The following MAPRE2 variants were observed in gnomAD, a reference collection of about 807,000 sequenced individuals.
The protein encoded by MAPRE2 is microtubule-associated protein RP/EB family member 2.
In MAPRE2, 13 loss-of-function variants were observed where a neutral mutation model predicts 43.2. The observed-to-expected ratio is 0.30, with a 90% confidence interval of 0.20 to 0.48. The LOEUF (loss-of-function observed/expected upper bound fraction) is 0.48, where lower values mean the gene tolerates loss of function less well. MAPRE2 is among the 20% of genes least tolerant of loss of function. The pLI is 0.99. For synonymous variants in MAPRE2, 135 were observed against 148.8 expected, an observed-to-expected ratio of 0.91 and a Z score of 0.68; for missense variants, 161 against 400.2, an observed-to-expected ratio of 0.40 and a Z score of 5.10.
chr18:34,990,852 C>G (rs943246429), intron 1 of MAPRE2, among the ~76,000 whole-genome samples: 1 of 152,182 alleles, frequency 6.6e-6, no homozygotes, highest in African/African-American at 2.4e-5. Context: ...GAGACTCCAT[C>G]TCTATAAAAA....
At chr18:34,990,425 T>C (rs1471994343) in intron 1 of MAPRE2, among the ~76,000 whole-genome samples, 1 of 152,172 alleles carries the variant, frequency 6.6e-6, no homozygotes, top group African/African-American at 2.4e-5. Flanking sequence ...TAAGGAACAC[T>C]AGGAAAGATA....
chr18:35,107,048 A>T (rs2144192081), intron 4 of MAPRE2, among the ~76,000 whole-genome samples: 1 of 152,326 alleles, frequency 6.6e-6, no homozygotes, highest in African/African-American at 2.4e-5. Flanking sequence ...GACAGCTAAG[A>T]CACATTGCAG....
chr18:34,979,828 C>A (rs1038950549), intron 1 of MAPRE2, among the ~76,000 whole-genome samples: 1 of 152,084 alleles, frequency 6.6e-6, no homozygotes, highest in East Asian at 1.9e-4. Flanking sequence ...AAAAGGATTA[C>A]TCCAGGATAA....
intron 2 of MAPRE2, among the ~76,000 whole-genome samples, chr18:35,019,798 G>A (rs2097040808): frequency 6.6e-6 from 1 of 152,020 alleles, no homozygotes; most frequent in South Asian, 2.1e-4. Flanking sequence ...ATACCTATGT[G>A]TCCCCATATC....
chr18:35,041,752 C>T (rs1449724950), intron 1 of MAPRE2, 91 bp downstream of exon 1: 19 of 1,595,140 alleles, frequency 1.2e-5, no homozygotes, highest in Non-Finnish European at 1.6e-5. Context: ...ACACTGCCTG[C>T]GACCCCTGCT....
At chr18:35,090,252 C>A (rs1348347624) in intron 2 of MAPRE2, among the ~76,000 whole-genome samples, 1 of 152,012 alleles carries the variant, frequency 6.6e-6, no homozygotes, top group Non-Finnish European at 1.5e-5. Flanking sequence ...ATGTTAAAAA[C>A]CACTGAATTT....
In MAPRE2 at chr18:35,132,099, G is replaced by A. The variant is rs757427475; in HGVS notation, c.818G>A (p.Arg273Lys). ...AGGGATTTCTACTTTGGGAAGTTGAGAGAGATCGAGCTACTCTGCCAAGAA... is the reference window on the plus strand; with the variant it reads ...AGGGATTTCTACTTTGGGAAGTTGAAAGAGATCGAGCTACTCTGCCAAGAA... ...KERDFYFGKL[R>K]EIELLCQEHG... The change falls in exon 6 of 7, where the codon AGA becomes AAA. Residue 273 changes from arginine (R) to lysine (K), a missense_variant. Around this residue, in one of 2 missense-constraint regions of MAPRE2, gnomAD observed 96 missense variants for 153.3 expected, o/e 0.63. Transcript: ENST00000300249. The A allele has an allele frequency of 1.2e-6, 2 of 1,614,092 alleles. No homozygotes were observed. Among genetic ancestry groups the A allele is most frequent in the Non-Finnish European group, 1.7e-6 (2 of 1,180,038 alleles).
intron 2 of MAPRE2, among the ~76,000 whole-genome samples, chr18:35,021,279 G>T (rs569786458): frequency 1.3e-5 from 2 of 152,232 alleles, no homozygotes; most frequent in South Asian, 4.1e-4. Flanking sequence ...GTTTTAAGAT[G>T]ACAGTCTAAA....
chr18:35,087,182 A>G (rs1054705201), intron 2 of MAPRE2, among the ~76,000 whole-genome samples: 1 of 152,218 alleles, frequency 6.6e-6, no homozygotes, highest in East Asian at 1.9e-4. Flanking sequence ...CAGCTTCATT[A>G]TGTCAATTTT....
chr18:35,101,017 C>T lies in MAPRE2; in HGVS notation c.397-929C>T, dbSNP rs574486694. 7.8e-4 allele frequency among the ~76,000 whole-genome samples: 118 copies of T among 152,192 alleles called. 1 individual carries two copies. Among genetic ancestry groups the T allele is most frequent in the African/African-American group, 2.4e-3 (99 of 41,518 alleles). ...TCGTGCCATTGCACTCCATCCTGGG[C>T]GACAAGAGTGAAACTCCGTCTCAAA... On this transcript the variant is annotated intron_variant, in intron 3 of 6. Coordinates refer to ENST00000300249, the MANE Select transcript of MAPRE2 (RefSeq NM_014268.4).
intron 1 of MAPRE2, among the ~76,000 whole-genome samples, chr18:35,053,299 C>CA (rs1192410681): frequency 1.3e-5 from 2 of 152,078 alleles, no homozygotes; most frequent in African/African-American, 4.8e-5. Flanking sequence ...GAGGCTGAGG[C>CA]AGGAGAATCA....
chr18:35,130,095 A>G lies in MAPRE2; in HGVS notation c.751-1937A>G, dbSNP rs1910078994. Among the ~76,000 whole-genome samples the G allele has an allele frequency of 2.0e-5, 3 of 151,502 alleles. No homozygotes were observed. The South Asian group carries it at 6.2e-4, about 32-fold the overall frequency. ...CATTGTGCAGAACAAAGCCCTAGGG[A>G]GCCAGACAGACCTATTTTCGTGGGT... On this transcript the variant is annotated intron_variant, in intron 5 of 6. Coordinates refer to ENST00000300249, the MANE Select transcript of MAPRE2 (RefSeq NM_014268.4).
intron 5 of MAPRE2, chr18:35,127,366 G>C (rs928585109): frequency 2.7e-6 from 1 of 371,172 alleles, no homozygotes; most frequent in Non-Finnish European, 5.0e-6. Flanking sequence ...GCTCCTCAGG[G>C]CCGTCAAGAG....
intron 1 of MAPRE2, among the ~76,000 whole-genome samples, chr18:34,990,160 C>T (rs1346923343): frequency 2.6e-5 from 4 of 152,170 alleles, no homozygotes; most frequent in African/African-American, 9.7e-5. Flanking sequence ...AAAGGTTGCT[C>T]TCCACCATGG....
At chr18:35,069,021 G>A (rs1014118920) in intron 1 of MAPRE2, among the ~76,000 whole-genome samples, 5 of 152,128 alleles carry the variant, frequency 3.3e-5, no homozygotes, top group Non-Finnish European at 5.9e-5. Flanking sequence ...TCAAATCCCC[G>A]TCCCATTAGA....
intron 2 of MAPRE2, among the ~76,000 whole-genome samples, chr18:35,033,932 T>C (rs1233656441): frequency 2.0e-5 from 3 of 147,546 alleles, no homozygotes; most frequent in African/African-American, 5.0e-5. Context: ...AAAATGGCCA[T>C]ACTGCCCAAG....
chr18:35,096,231 T>G (rs1603400583), intron 2 of MAPRE2, among the ~76,000 whole-genome samples: 1 of 152,138 alleles, frequency 6.6e-6, no homozygotes, highest in South Asian at 2.1e-4. Context: ...GGGGAGGCAC[T>G]TCATGTTCCA....
At chr18:35,114,164 T>C (rs1197209446) in intron 4 of MAPRE2, among the ~76,000 whole-genome samples, 2 of 152,180 alleles carry the variant, frequency 1.3e-5, no homozygotes, top group African/African-American at 4.8e-5. Context: ...TATATTATAT[T>C]GCGTCTCTCA....
At chr18:34,987,457 G>T (rs1053314018) in intron 1 of MAPRE2, among the ~76,000 whole-genome samples, 10 of 152,112 alleles carry the variant, frequency 6.6e-5, no homozygotes, top group Non-Finnish European at 1.3e-4. Flanking sequence ...TGAACTAGAG[G>T]ATTCACTTTT....
Sources: allele counts gnomAD v4.1 joint callset (sites outside exome capture counted in the v4.1 genomes callset), GRCh38; gene constraint gnomAD v4.1.1; regional missense constraint gnomAD v4.1.1; transcripts MANE v1.5; gene names NCBI Gene and HGNC (gene_info 2026-07-23, HGNC 2026-07-21).